The following FRMD4A variants were observed in gnomAD, a reference collection of about 807,000 sequenced individuals.
The protein encoded by FRMD4A is FERM domain-containing protein 4A.
Under a neutral mutation model 129.1 loss-of-function variants are expected in FRMD4A, and 29 were observed. The observed-to-expected ratio is 0.22, with a 90% CI of 0.17 to 0.31. The LOEUF (loss-of-function observed/expected upper bound fraction) is 0.31, where lower values mean the gene tolerates loss of function less well. Ranked by LOEUF, FRMD4A falls within the 10% of genes least tolerant of loss-of-function variation. The pLI, the probability that FRMD4A is intolerant of heterozygous loss-of-function variation, is 1.00. For missense variants in FRMD4A, 1,272 were observed against 1,375.8 expected (o/e 0.92, Z 1.19); for synonymous variants, 634 against 571.6 (o/e 1.11, Z -1.56).
At chr10:13,986,156 GC>G (rs1424878913) in intron 2 of FRMD4A, among the ~76,000 whole-genome samples, 1 of 152,154 alleles carries the variant, frequency 6.6e-6, no homozygotes, top group Non-Finnish European at 1.5e-5. Context: ...CAGGGTGTCA[GC>G]CCTGGCTGCC....
chr10:13,945,748 C>T (rs1436980842), intron 2 of FRMD4A, among the ~76,000 whole-genome samples: 2 of 152,070 alleles, frequency 1.3e-5, no homozygotes, highest in Non-Finnish European at 2.9e-5. Context: ...CAGGGTCACC[C>T]CAGGAAATCT....
chr10:13,877,056 T>A (rs1212612850), intron 2 of FRMD4A, among the ~76,000 whole-genome samples: 1 of 151,834 alleles, frequency 6.6e-6, no homozygotes, highest in Non-Finnish European at 1.5e-5. Flanking sequence ...TAGATAAGAG[T>A]TGGGGAATGG....
intron 19 of FRMD4A, 122 bp from the exon 20 acceptor site, chr10:13,660,675 CT>C: frequency 1.6e-6 from 1 of 635,666 alleles, no homozygotes; most frequent in East Asian, 2.6e-5. Context: ...ACCTTCACCC[CT>C]GTGATGAGAA....
chr10:13,714,252 G>T (rs7909100), intron 12 of FRMD4A, among the ~76,000 whole-genome samples: 1 of 150,004 alleles, frequency 6.7e-6, no homozygotes, highest in African/African-American at 2.5e-5. Context: ...TAGTAGAGAC[G>T]GGGTTTCATC....
chr10:14,305,912 A>G (rs1486625271), intron 2 of FRMD4A, among the ~76,000 whole-genome samples: 1 of 152,192 alleles, frequency 6.6e-6, no homozygotes, highest in Non-Finnish European at 1.5e-5. Context: ...TATAAGTGGG[A>G]GCTGAATTAT....
At chr10:13,682,385 CAGG>C (rs917391643) in intron 15 of FRMD4A, among the ~76,000 whole-genome samples, 19 of 152,136 alleles carry the variant, frequency 1.2e-4, no homozygotes, top group Admixed American at 6.5e-4. Flanking sequence ...TCAGGAAGCT[CAGG>C]AGGAGAAGGG....
intron 2 of FRMD4A, among the ~76,000 whole-genome samples, chr10:14,206,294 G>C (rs1842778991): frequency 6.6e-6 from 1 of 152,130 alleles, no homozygotes; most frequent in African/African-American, 2.4e-5. Context: ...CAGCACTTAA[G>C]TTGGGGGAAA....
intron 2 of FRMD4A, among the ~76,000 whole-genome samples, chr10:14,288,596 A>C (rs1425896394): frequency 6.6e-6 from 1 of 152,198 alleles, no homozygotes; most frequent in East Asian, 1.9e-4. Flanking sequence ...TTTATTTTTA[A>C]AATTGTTATT....
At chr10:13,975,427 G>A (rs559148714) in intron 2 of FRMD4A, among the ~76,000 whole-genome samples, 37 of 151,882 alleles carry the variant, frequency 2.4e-4, no homozygotes, top group African/African-American at 4.6e-4. Context: ...GTGTCTGTGC[G>A]TATGTGTGTC....
intron 2 of FRMD4A, among the ~76,000 whole-genome samples, chr10:14,135,326 T>C (rs1444905159): frequency 6.6e-6 from 1 of 152,242 alleles, no homozygotes; most frequent in Non-Finnish European, 1.5e-5. Context: ...CCAGCAGCCC[T>C]ACTTCAACCA....
intron 2 of FRMD4A, among the ~76,000 whole-genome samples, chr10:13,985,473 T>C (rs1327735240): frequency 1.3e-5 from 2 of 152,210 alleles, no homozygotes; most frequent in Non-Finnish European, 2.9e-5. Context: ...ATGTAGGTAG[T>C]CTTCAGGGAG....
intron 2 of FRMD4A, among the ~76,000 whole-genome samples, chr10:13,874,245 C>CAAAAAAAA (rs71388124): frequency 9.2e-5 from 7 of 76,402 alleles, no homozygotes; most frequent in African/African-American, 3.9e-4. Flanking sequence ...GACACTGTCT[C>CAAAAAAAA]AAAAAAAAAA....
At chr10:14,268,755 T>C (rs1589247664) in intron 2 of FRMD4A, among the ~76,000 whole-genome samples, 1 of 152,224 alleles carries the variant, frequency 6.6e-6, no homozygotes, top group African/African-American at 2.4e-5. Context: ...TCAGAAGCAA[T>C]GTTCTTCCTG....
intron 2 of FRMD4A, among the ~76,000 whole-genome samples, chr10:14,269,637 A>G (rs1389161093): frequency 1.3e-5 from 2 of 152,156 alleles, no homozygotes; most frequent in Non-Finnish European, 2.9e-5. Flanking sequence ...TAAGGGATGC[A>G]TTGCCATGAT....
intron 2 of FRMD4A, among the ~76,000 whole-genome samples, chr10:13,863,496 A>T (rs1024011056): frequency 2.0e-5 from 3 of 152,092 alleles, no homozygotes; most frequent in Non-Finnish European, 4.4e-5. Flanking sequence ...AGGCTGAGGC[A>T]CTAGAATTGC....
chr10:14,158,934 G>A (rs939357828), intron 2 of FRMD4A, among the ~76,000 whole-genome samples: 4 of 152,000 alleles, frequency 2.6e-5, no homozygotes, highest in Admixed American at 1.3e-4. Context: ...ACAAATACAT[G>A]ATATCTTGAA....
At chr10:13,856,678 G>A (rs2094218590) in intron 3 of FRMD4A, among the ~76,000 whole-genome samples, 1 of 152,154 alleles carries the variant, frequency 6.6e-6, no homozygotes, top group African/African-American at 2.4e-5. Context: ...CAGGAAGCCT[G>A]TTCTATAAAG....
At chr10:13,801,797 C>T (rs2093260309) in intron 4 of FRMD4A, among the ~76,000 whole-genome samples, 2 of 152,154 alleles carry the variant, frequency 1.3e-5, no homozygotes, top group Non-Finnish European at 2.9e-5. Context: ...TTTTGCTTTC[C>T]TATTTAACCT....
chr10:13,768,086 G>GTC (rs973653381), intron 6 of FRMD4A, among the ~76,000 whole-genome samples: 4 of 151,794 alleles, frequency 2.6e-5, no homozygotes, highest in Non-Finnish European at 5.9e-5. Context: ...AGGTATGTGT[G>GTC]TGTGTGTGTG....
Sources: allele counts gnomAD v4.1 joint callset (sites outside exome capture counted in the v4.1 genomes callset), GRCh38; gene constraint gnomAD v4.1.1; transcripts MANE v1.5; gene names NCBI Gene and HGNC (gene_info 2026-07-23, HGNC 2026-07-21).